Variants in ESRRG observed in about 807,000 individuals in gnomAD.
ESRRG encodes the protein estrogen-related receptor gamma.
A neutral mutation model predicts 44.0 loss-of-function variants in ESRRG; 13 were observed. The observed-to-expected ratio is 0.30, with a 90% confidence interval of 0.19 to 0.47. The LOEUF (loss-of-function observed/expected upper bound fraction) is 0.47, where lower values mean the gene tolerates loss of function less well. Ranked by LOEUF, ESRRG falls within the 20% of genes least tolerant of loss-of-function variation. The pLI, the probability that ESRRG is intolerant of heterozygous loss-of-function variation, is 1.00. For missense variants in ESRRG, 395 were observed against 580.6 expected (o/e 0.68, Z 3.29); for synonymous variants, 215 against 214.6 (o/e 1.00, Z -0.02).
intron 1 of ESRRG, among the ~76,000 whole-genome samples, chr1:217,101,147 C>T (rs2092506074): frequency 6.6e-6 from 1 of 152,214 alleles, no homozygotes; most frequent in South Asian, 2.1e-4. Flanking sequence ...AACCTCATGA[C>T]TTCAACTTTT....
intron 2 of ESRRG, among the ~76,000 whole-genome samples, chr1:216,783,113 A>G (rs2093994681): frequency 6.6e-6 from 1 of 151,994 alleles, no homozygotes; most frequent in African/African-American, 2.4e-5. Context: ...CTGGGATTCC[A>G]TGGGGCAGGG....
At chr1:216,792,396 G>T (rs575214805) in intron 2 of ESRRG, among the ~76,000 whole-genome samples, 104 of 151,676 alleles carry the variant, frequency 6.9e-4, no homozygotes, top group African/African-American at 1.7e-3. Flanking sequence ...TATTTCCAGG[G>T]TTTTTTTTGC....
chr1:216,519,291 T>A lies in ESRRG; in HGVS notation c.993A>T (p.Ile331=). ...CTAATTTGGACTGGTCTTCGTCCAT[T>A]ATATAATCGTCTGCATAGACAAGTT... ...EDELVYADDY[I]MDEDQSKLAG... Residue 331 remains isoleucine (I), a synonymous_variant, in exon 6 of 7, where the codon ATA becomes ATT. Transcript: ENST00000408911. 1 of 1,613,872 alleles carries A rather than the reference T, an allele frequency of 6.2e-7. No individual in the cohort carries two copies. The highest frequency in any genetic ancestry group is 1.1e-5 in the South Asian group (1 of 91,074).
At chr1:217,010,220 C>A (rs557265362) in intron 1 of ESRRG, among the ~76,000 whole-genome samples, 89 of 152,218 alleles carry the variant, frequency 5.8e-4, no homozygotes, top group Middle Eastern at 6.8e-3. Flanking sequence ...AATAAACATA[C>A]CCTCTTGCAT....
At chr1:216,936,327 T>G (rs759524584) in intron 2 of ESRRG, among the ~76,000 whole-genome samples, 2 of 152,274 alleles carry the variant, frequency 1.3e-5, no homozygotes, top group South Asian at 2.1e-4. Flanking sequence ...CAAGTTAGCA[T>G]GTCAGTATCA....
At chr1:216,619,470 C>T (rs2061880788) in intron 3 of ESRRG, among the ~76,000 whole-genome samples, 1 of 152,126 alleles carries the variant, frequency 6.6e-6, no homozygotes, top group Non-Finnish European at 1.5e-5. Context: ...AGATCTCTTA[C>T]CTTCATTGGC....
At chr1:216,865,823 G>A (rs1292012479) in intron 2 of ESRRG, among the ~76,000 whole-genome samples, 4 of 152,086 alleles carry the variant, frequency 2.6e-5, no homozygotes, top group Non-Finnish European at 5.9e-5. Flanking sequence ...CATTCTCTAT[G>A]TGCTGAGTCC....
At position 217,064,018 on chromosome 1, in the gene ESRRG, T is replaced by C. The variant is rs541115558; in HGVS notation, c.-106+25489A>G. On this transcript the variant is annotated intron_variant, in intron 1 of 7. Coordinates refer to the ESRRG transcript ENST00000359162. ...CATATAAACACACACAATAAATAGGTGTGTGTATATATACACAATAAATAG... is the reference window on the plus strand; with the variant it reads ...CATATAAACACACACAATAAATAGGCGTGTGTATATATACACAATAAATAG... Among the ~76,000 whole-genome samples, 5 of 151,982 alleles carry C rather than the reference T, an allele frequency of 3.3e-5. No homozygotes were observed. The South Asian group carries it at 1.0e-3, about 32-fold the overall frequency.
chr1:216,638,502 A>G (rs2065755457), intron 3 of ESRRG, among the ~76,000 whole-genome samples: 1 of 152,202 alleles, frequency 6.6e-6, no homozygotes, highest in Admixed American at 6.5e-5. Flanking sequence ...GGCTCAATCA[A>G]TAGTCACAGA....
chr1:216,635,176 C>G (rs900940836), intron 3 of ESRRG, among the ~76,000 whole-genome samples: 1 of 152,106 alleles, frequency 6.6e-6, no homozygotes, highest in African/African-American at 2.4e-5. Flanking sequence ...GTTCAGGGGT[C>G]AATACAAGGG....
At chr1:216,516,668 C>CACACACACACACACACACACAGAG (rs376701865) in intron 6 of ESRRG, among the ~76,000 whole-genome samples, 11 of 137,246 alleles carry the variant, frequency 8.0e-5, no homozygotes, top group African/African-American at 1.2e-4. Flanking sequence ...CACACACACA[C>CACACACACACACACACACACAGAG]AGAGAGAGAG....
intron 1 of ESRRG, among the ~76,000 whole-genome samples, chr1:216,966,763 T>G (rs1322704956): frequency 6.6e-6 from 1 of 152,096 alleles, no homozygotes; most frequent in Non-Finnish European, 1.5e-5. Context: ...CCTCTAAAAT[T>G]CCACATTGCA....
chr1:216,923,896 C>G (rs959921046), intron 2 of ESRRG, among the ~76,000 whole-genome samples: 2 of 152,154 alleles, frequency 1.3e-5, no homozygotes, highest in African/African-American at 2.4e-5. Context: ...CATTACTGCA[C>G]CACCAGGCAG....
chr1:216,520,676 C>A (rs181373800), intron 5 of ESRRG, among the ~76,000 whole-genome samples: 1 of 152,284 alleles, frequency 6.6e-6, no homozygotes, highest in Admixed American at 6.5e-5. Flanking sequence ...GGGTAACCAT[C>A]CACCTCATGG....
chr1:216,730,379 T>G (rs2088529495), intron 2 of ESRRG, among the ~76,000 whole-genome samples: 1 of 150,970 alleles, frequency 6.6e-6, no homozygotes, highest in Non-Finnish European at 1.5e-5. Flanking sequence ...GAATTGGGAA[T>G]GTACTGGTAG....
chr1:216,919,371 G>A (rs1235275054), intron 2 of ESRRG, among the ~76,000 whole-genome samples: 1 of 152,120 alleles, frequency 6.6e-6, no homozygotes, highest in Non-Finnish European at 1.5e-5. Flanking sequence ...ATCATTTTAG[G>A]AACAGCACTT....
chr1:216,865,230 G>T (rs1212588742), intron 2 of ESRRG: 6 of 104,254 alleles, frequency 5.8e-5, no homozygotes, highest in African/African-American at 2.1e-4. Flanking sequence ...TACCACAAAG[G>T]AATAAAGAGC....
rs148636656 is a variant in ESRRG, at chr1:216,503,943, G to T, written c.*2996C>A. The T allele has an allele frequency of 2.9e-3, 427 of 148,674 alleles. 3 individuals carry two copies. Among genetic ancestry groups the T allele is most frequent in the African/African-American group, 0.01 (413 of 41,198 alleles). The allele number at this position is 148,674 out of a possible 1,614,324, so 9.2% of individuals were successfully genotyped here. A position where few individuals can be genotyped will look rare whatever the true frequency, so the allele number is the denominator to read the frequency against. On this transcript the variant is annotated 3_prime_UTR_variant, in exon 7 of 7. Transcript: ENST00000408911. ...AATGGTCTTGCTTGAAACTTGAGAAGACTTCCCTCTAGTGAGGTTTAAGAT... is the reference window on the plus strand; with the variant it reads ...AATGGTCTTGCTTGAAACTTGAGAATACTTCCCTCTAGTGAGGTTTAAGAT...
At chr1:216,645,472 A>G (rs2150971420) in intron 3 of ESRRG, among the ~76,000 whole-genome samples, 1 of 152,294 alleles carries the variant, frequency 6.6e-6, no homozygotes, top group Admixed American at 6.5e-5. Flanking sequence ...GAAAGAATAT[A>G]GTCTAACTGG....
Sources: allele counts gnomAD v4.1 joint callset (sites outside exome capture counted in the v4.1 genomes callset), GRCh38; gene constraint gnomAD v4.1.1; transcripts MANE v1.5; gene names NCBI Gene and HGNC (gene_info 2026-07-23, HGNC 2026-07-21).